OAS1: variants seen among roughly 807,000 people sequenced by gnomAD.
OAS1 encodes 2'-5'-oligoadenylate synthase 1.
A neutral mutation model predicts 38.5 loss-of-function variants in OAS1; 24 were observed. The observed-to-expected ratio is 0.62, with a 90% CI of 0.45 to 0.88. The LOEUF (loss-of-function observed/expected upper bound fraction) is 0.88, where lower values mean the gene tolerates loss of function less well. Among genes scored for constraint, OAS1 ranks in the 40% least tolerant of loss-of-function variants. OAS1 has a pLI of 0.00. For missense variants in OAS1, 482 were observed against 493.9 expected (o/e 0.98, Z 0.23); for synonymous variants, 169 against 193.9 (o/e 0.87, Z 1.07).
intron 6 of OAS1, among the ~76,000 whole-genome samples, chr12:112,929,720 A>G (rs1357057999): frequency 6.6e-6 from 1 of 152,202 alleles, no homozygotes; most frequent in Non-Finnish European, 1.5e-5. Context: ...ACAGAAGGCA[A>G]CTGTCTTCTC....
intron 3 of OAS1, among the ~76,000 whole-genome samples, chr12:112,912,770 T>G (rs59977998): frequency 0.013 from 1,989 of 152,286 alleles, 54 homozygotes; most frequent in African/African-American, 0.046. Flanking sequence ...AGAATTGTCT[T>G]TTTCTTTCTT....
chr12:112,917,390 G>A (rs1186760107), intron 4 of OAS1, among the ~76,000 whole-genome samples, 157 bp from the exon 5 acceptor site: 4 of 152,166 alleles, frequency 2.6e-5, no homozygotes, highest in Non-Finnish European at 1.5e-5. Context: ...ACTGCCTGCT[G>A]GGGAATAGGG....
In OAS1 at chr12:112,908,516, A is replaced by T. The variant is rs2043327667; in HGVS notation, c.181-20A>T. Reference sequence around the variant, plus strand: ...TTTGCCTCACTAAGCATCAATTATTATTTTTGTCGTCTTTTTCAGGGTGGC... The same window carrying T: ...TTTGCCTCACTAAGCATCAATTATTTTTTTTGTCGTCTTTTTCAGGGTGGC... On this transcript the variant is annotated intron_variant, in intron 1 of 5. Coordinates refer to ENST00000202917, the MANE Select transcript of OAS1 (RefSeq NM_016816.4). 1 of 1,595,482 alleles carries T rather than the reference A, an allele frequency of 6.3e-7. No homozygotes were observed. Among genetic ancestry groups the T allele is most frequent in the Admixed American group, 1.8e-5 (1 of 56,172 alleles).
Position 112,907,038 on chromosome 12 carries a change from CAAT to C in OAS1, c.-1_2del, listed in dbSNP as rs1268296611. On this transcript the variant is annotated start_lost and 5_prime_UTR_variant, in exon 1 of 6. Coordinates refer to ENST00000202917, the MANE Select transcript of OAS1 (RefSeq NM_016816.4). ...GTTCTGTTGCCACTCTCTCTCCTGT[CAAT>C]GATGGATCTCAGAAATACCCCAGCC... The C allele has an allele frequency of 3.1e-6, 5 of 1,614,164 alleles. No homozygotes were observed. Among genetic ancestry groups the C allele is most frequent in the Non-Finnish European group, 4.2e-6 (5 of 1,180,022 alleles).
chr12:112,911,058 G>A lies in OAS1; in HGVS notation c.477G>A (p.Leu159=). 1 of 1,613,630 alleles carries A rather than the reference G, an allele frequency of 6.2e-7. No individual in the cohort carries two copies. Among genetic ancestry groups the A allele is most frequent in the Non-Finnish European group, 8.5e-7 (1 of 1,179,708 alleles). ...VLPAFDALGQ[L]TGGYKPNPQI... ...TAGATTTTGCCCGAACAGGTCAGTT[G>A]ACTGGCGGCTATAAACCTAACCCCC... Residue 159 remains leucine (L), a synonymous_variant, in exon 3 of 6, where the codon TTG becomes TTA. Transcript: ENST00000202917.
At chr12:112,914,347 G>T (rs140022894) in intron 3 of OAS1, among the ~76,000 whole-genome samples, 6 of 152,310 alleles carry the variant, frequency 3.9e-5, no homozygotes, top group Non-Finnish European at 8.8e-5. Flanking sequence ...ATTGATTGAT[G>T]GGCATTTGGG....
At chr12:112,911,027 A>G in intron 2 of OAS1, 24 bp from the exon 3 acceptor site, 1 of 1,604,490 alleles carries the variant, frequency 6.2e-7, no homozygotes, top group Non-Finnish European at 8.5e-7. Flanking sequence ...GCTGACACCT[A>G]AGTTGTAGAT....
chr12:112,926,471 C>G (rs1565968028), intron 6 of OAS1, among the ~76,000 whole-genome samples: 1 of 152,110 alleles, frequency 6.6e-6, no homozygotes. Flanking sequence ...AATTTTAAAG[C>G]TGGGTGTCCA....
chr12:112,907,151 T>C lies in OAS1; in HGVS notation c.112T>C (p.Cys38Arg), dbSNP rs777041841. 8.7e-6 allele frequency: 14 copies of C among 1,614,230 alleles called. 1 individual carries two copies. The South Asian group carries it at 1.3e-4, about 15-fold the overall frequency. The change falls in exon 1 of 6, where the codon TGT (cysteine) becomes CGT (arginine). Residue 38 changes from cysteine (C) to arginine (R), a missense_variant. Transcript: ENST00000202917. ...MQINHAIDII[C>R]GFLKERCFRG... ...AATCAACCATGCCATTGACATCATC[T>C]GTGGGTTCCTGAAGGAAAGGTGCTT...
At chr12:112,910,514 G>A (rs142150701) in intron 2 of OAS1, among the ~76,000 whole-genome samples, 70 of 152,230 alleles carry the variant, frequency 4.6e-4, no homozygotes, top group East Asian at 1.7e-3. Flanking sequence ...CCTGAGTGGC[G>A]AGAAGGAGTG....
rs545420536 is a variant in OAS1 at position 112,931,342 on chromosome 12, T to A, written c.1168-536T>A. The stretch of plus-strand genomic sequence containing the variant: ...AAAAGCAAAGAATCTGGAGTCCGAC[T>A]GCCTGGGTTCAAATCCTAGCTCTAC... On this transcript the variant is annotated intron_variant, in intron 6 of 6. Coordinates refer to the OAS1 transcript ENST00000540589. 3.3e-5 allele frequency among the ~76,000 whole-genome samples: 5 copies of A among 152,362 alleles called. No homozygotes were observed. In the South Asian group the frequency reaches 1.0e-3, roughly 32 times the overall value.
At chr12:112,909,932 G>GAAC (rs1419317075) in intron 2 of OAS1, among the ~76,000 whole-genome samples, 1 of 152,040 alleles carries the variant, frequency 6.6e-6, no homozygotes, top group African/African-American at 2.4e-5. Flanking sequence ...TAAAGGAACT[G>GAAC]TCACAGTTTC....
intron 3 of OAS1, among the ~76,000 whole-genome samples, chr12:112,913,021 A>G (rs1166972200): frequency 3.3e-5 from 5 of 152,214 alleles, no homozygotes; most frequent in African/African-American, 1.2e-4. Flanking sequence ...CATCTGGGGT[A>G]ATTTTCCTAA....
intron 3 of OAS1, among the ~76,000 whole-genome samples, chr12:112,912,569 C>T (rs1206133494): frequency 2.0e-5 from 3 of 152,264 alleles, no homozygotes; most frequent in South Asian, 4.2e-4. Flanking sequence ...AATCATGGAG[C>T]CTGAGCATTG....
rs1461787167 is a variant in OAS1 at position 112,917,684 on chromosome 12, GCTC to G, written c.1025_1027del (p.Ser342del). On this transcript the variant is annotated inframe_deletion, in exon 5 of 6. Coordinates refer to ENST00000202917, the MANE Select transcript of OAS1 (RefSeq NM_016816.4). ...AAGAATTGGGATGGGTCCCCAGTGA[GCTC>G]CTGGATTCTGCTGGTGAGACCTCCT... The G allele has an allele frequency of 1.2e-6, 2 of 1,614,202 alleles. No homozygotes were observed. Among genetic ancestry groups the G allele is most frequent in the Non-Finnish European group, 1.7e-6 (2 of 1,180,034 alleles).
At chr12:112,920,611 G>A (rs2043523136), downstream of OAS1, among the ~76,000 whole-genome samples, 1 of 152,234 alleles carries the variant, frequency 6.6e-6, no homozygotes, top group Non-Finnish European at 1.5e-5. Context: ...TTAAAGATTC[G>A]ACTATACTGA....
At chr12:112,917,514 C>T (rs1485708534) in intron 4 of OAS1, 33 bp from the exon 5 acceptor site, 1 of 1,612,802 alleles carries the variant, frequency 6.2e-7, no homozygotes, top group African/African-American at 1.3e-5. Context: ...GCCCCAGCTT[C>T]TCACCTGTCC....
At chr12:112,909,777 A>G (rs1357833900) in intron 2 of OAS1, among the ~76,000 whole-genome samples, 1 of 152,218 alleles carries the variant, frequency 6.6e-6, no homozygotes, top group Non-Finnish European at 1.5e-5. Flanking sequence ...TTAGATTTTA[A>G]TTTTTTGAGG....
At chr12:112,910,931 A>G (rs2043367932) in intron 2 of OAS1, 120 bp from the exon 3 acceptor site, 3 of 895,316 alleles carry the variant, frequency 3.4e-6, no homozygotes, top group Non-Finnish European at 5.1e-6. Flanking sequence ...AAGACTTCCC[A>G]GCCCTGGGTC....
Sources: gnomAD v4.1 joint callset for allele counts (sites outside exome capture counted in the v4.1 genomes callset) on GRCh38, gnomAD v4.1.1 for gene constraint, MANE v1.5 for transcripts, NCBI Gene and HGNC (gene_info 2026-07-23, HGNC 2026-07-21) for gene names.